Variants in URAD observed in about 807,000 individuals in gnomAD.
The protein encoded by URAD is putative 2-oxo-4-hydroxy-4-carboxy-5-ureidoimidazoline decarboxylase.
URAD carries 4 observed loss-of-function variants against 4.6 expected under a neutral mutation model. That is an observed-to-expected ratio of 0.87 (90% CI 0.43 to 1.98). The LOEUF (loss-of-function observed/expected upper bound fraction) is 1.98. URAD is among the 30% of genes most tolerant of loss of function. URAD has a pLI of 0.03. For synonymous variants in URAD, 144 were observed against 118.2 expected, an observed-to-expected ratio of 1.22 and a Z score of -1.41; for missense variants, 300 against 255.3, an observed-to-expected ratio of 1.18 and a Z score of -1.19.
chr13:27,983,815 A>G (rs1007610615), intron 1 of URAD, among the ~76,000 whole-genome samples: 1 of 152,154 alleles, frequency 6.6e-6, no homozygotes, highest in African/African-American at 2.4e-5. Flanking sequence ...GTGGGCACTC[A>G]GTGAATATTT....
At chr13:27,978,889 G>A (rs1031216262) in intron 1 of URAD, among the ~76,000 whole-genome samples, 2 of 152,102 alleles carry the variant, frequency 1.3e-5, no homozygotes, top group South Asian at 4.1e-4. Context: ...CTCAGGGGGG[G>A]CTTTGATGTC....
At chr13:27,979,445 A>G (rs1161520309) in intron 1 of URAD, among the ~76,000 whole-genome samples, 1 of 152,260 alleles carries the variant, frequency 6.6e-6, no homozygotes, top group Non-Finnish European at 1.5e-5. Flanking sequence ...TATGGTGAGC[A>G]GGGCGCTATG....
At chr13:27,984,101 G>T (rs1182256105) in intron 1 of URAD, among the ~76,000 whole-genome samples, 1 of 152,084 alleles carries the variant, frequency 6.6e-6, no homozygotes, top group Non-Finnish European at 1.5e-5. Context: ...AGGCTGGTGT[G>T]CAGTGGTGCA....
intron 1 of URAD, among the ~76,000 whole-genome samples, chr13:27,983,966 T>G (rs188444857): frequency 4.6e-4 from 70 of 152,340 alleles, no homozygotes; most frequent in Admixed American, 4.5e-3. Flanking sequence ...AGTATCCAAC[T>G]CCATTCATTC....
chr13:27,985,126 A>T (rs1488738613), intron 1 of URAD, among the ~76,000 whole-genome samples: 1 of 152,180 alleles, frequency 6.6e-6, no homozygotes, highest in Non-Finnish European at 1.5e-5. Context: ...ATCACCTCAC[A>T]TATTTATCAT....
intron 1 of URAD, 118 bp from the exon 2 acceptor site, chr13:27,978,570 C>G: frequency 1.3e-6 from 1 of 791,266 alleles, no homozygotes; most frequent in Non-Finnish European, 1.7e-6. Context: ...CCCGCCCGGC[C>G]CCAAAGAAGG....
Position 27,978,136 on chromosome 13 carries a change from G to T in URAD, c.492C>A (p.Asp164Glu). The T allele has an allele frequency of 6.5e-7, 1 of 1,529,598 alleles. No homozygotes were observed. 94.8% of individuals were successfully genotyped at this position (1,529,598 alleles called of 1,614,324 possible). Reference sequence around the variant, plus strand: ...GCTTGGCGGGGTCTGCGCGGAGGAGGTCGGCCAGGCGCAGGCTGCCGATCT... The same window carrying T: ...GCTTGGCGGGGTCTGCGCGGAGGAGTTCGGCCAGGCGCAGGCTGCCGATCT... ...VKKIGSLRLA[D>E]LLRADPAKL is the part of the protein sequence containing the mutation. The change falls in exon 2 of 2, where the codon GAC becomes GAA. Residue 164 changes from aspartate to glutamate, a missense_variant. By Grantham distance (45) the Asp-to-Glu change is conservative. Transcript: ENST00000332715.
intron 1 of URAD, among the ~76,000 whole-genome samples, chr13:27,987,947 A>G (rs1245405448): frequency 6.9e-6 from 1 of 144,282 alleles, no homozygotes; most frequent in Non-Finnish European, 1.5e-5. Flanking sequence ...TTTAAAAACA[A>G]CTTTTTTTGT....
intron 1 of URAD, among the ~76,000 whole-genome samples, chr13:27,980,012 A>G (rs1869828356): frequency 6.6e-6 from 1 of 152,184 alleles, no homozygotes; most frequent in Non-Finnish European, 1.5e-5. Flanking sequence ...GGTTAAGGAA[A>G]GTTCAAAACG....
At chr13:27,982,356 G>C (rs1477435164) in intron 1 of URAD, among the ~76,000 whole-genome samples, 1 of 152,162 alleles carries the variant, frequency 6.6e-6, no homozygotes, top group Non-Finnish European at 1.5e-5. Context: ...GGGAGGCGGA[G>C]GTTACAGTGA....
At position 27,978,398 on chromosome 13, in the gene URAD, C is replaced by T; in HGVS notation, c.230G>A (p.Arg77Gln). The change falls in exon 2 of 2, where the codon CGG (arginine) becomes CAG (glutamine). Residue 77 changes from arginine (R) to glutamine (Q), a missense_variant. By Grantham distance (43) the Arg-to-Gln change is conservative. Coordinates refer to ENST00000332715, the MANE Select transcript of URAD (RefSeq NM_001105577.2). ...CTGCGACTCGGCCGTGAGCGTGCCCCGCTGCAGCTCGCTGCCCGCCAGGTC... is the reference window on the plus strand; with the variant it reads ...CTGCGACTCGGCCGTGAGCGTGCCCTGCTGCAGCTCGCTGCCCGCCAGGTC... ...HPDLAGSELQ[R>Q]GTLTAESQRE... is the part of the protein sequence containing the mutation. 5.7e-6 allele frequency: 8 copies of T among 1,395,600 alleles called. No homozygotes were observed. The highest frequency in any genetic ancestry group is 5.6e-6 in the Non-Finnish European group (6 of 1,080,020). 86.5% of individuals were successfully genotyped at this position (1,395,600 alleles called of 1,614,324 possible).
chr13:27,984,964 G>T (rs1271100443), intron 1 of URAD, among the ~76,000 whole-genome samples: 1 of 151,734 alleles, frequency 6.6e-6, no homozygotes, highest in African/African-American at 2.4e-5. Context: ...GGATGACAGA[G>T]CAAGACTCCA....
Position 27,977,920 on chromosome 13 carries a change from G to A in URAD, c.*186C>T, listed in dbSNP as rs1266416977. 1.2e-5 allele frequency: 6 copies of A among 520,246 alleles called. No individual in the cohort carries two copies. The highest frequency in any genetic ancestry group is 2.0e-5 in the African/African-American group (1 of 49,252). 32.2% of individuals were successfully genotyped at this position (520,246 alleles called of 1,614,324 possible). A position where few individuals can be genotyped will look rare whatever the true frequency, so the allele number is the denominator to read the frequency against. The stretch of plus-strand genomic sequence containing the variant: ...CAATATGGATATTTTGGCAACGCGT[G>A]CGCGTGTGGGTGGGCGGACAAAAGG... On this transcript the variant is annotated 3_prime_UTR_variant, in exon 2 of 2. Coordinates refer to ENST00000332715, the MANE Select transcript of URAD (RefSeq NM_001105577.2).
chr13:27,980,723 C>A (rs7986640), intron 1 of URAD, among the ~76,000 whole-genome samples: 2 of 152,014 alleles, frequency 1.3e-5, no homozygotes, highest in African/African-American at 4.8e-5. Flanking sequence ...CCAGGCTCCC[C>A]GCGCAGGCCG....
At position 27,977,924 on chromosome 13, in the gene URAD, G is replaced by C. The variant is rs1326850639; in HGVS notation, c.*182C>G. 3.8e-6 allele frequency: 2 copies of C among 527,494 alleles called. No homozygotes were observed. The highest frequency in any genetic ancestry group is 3.0e-5 in the South Asian group (1 of 33,278). The allele number at this position is 527,494 out of a possible 1,614,324, so 32.7% of individuals were successfully genotyped here. On this transcript the variant is annotated 3_prime_UTR_variant, in exon 2 of 2. Coordinates refer to ENST00000332715, the MANE Select transcript of URAD (RefSeq NM_001105577.2). The stretch of plus-strand genomic sequence containing the variant: ...ATGGATATTTTGGCAACGCGTGCGC[G>C]TGTGGGTGGGCGGACAAAAGGACTC...
At chr13:27,986,957 T>C (rs1443484082) in intron 1 of URAD, among the ~76,000 whole-genome samples, 1 of 152,176 alleles carries the variant, frequency 6.6e-6, no homozygotes, top group Non-Finnish European at 1.5e-5. Flanking sequence ...GCTGAAGTCC[T>C]CAGCTATGGA....
At chr13:27,981,008 T>TTC (rs900608486) in intron 1 of URAD, among the ~76,000 whole-genome samples, 15 of 111,812 alleles carry the variant, frequency 1.3e-4, no homozygotes, top group South Asian at 3.3e-4. Flanking sequence ...TTTCAGTCGC[T>TTC]TCTCTCTCTC....
At chr13:27,979,023 G>T (rs1437698121) in intron 1 of URAD, among the ~76,000 whole-genome samples, 1 of 152,094 alleles carries the variant, frequency 6.6e-6, no homozygotes, top group East Asian at 1.9e-4. Flanking sequence ...CATGGGGCTC[G>T]GCAAATAAAT....
At chr13:27,985,544 G>A (rs375964522) in intron 1 of URAD, among the ~76,000 whole-genome samples, 15 of 152,264 alleles carry the variant, frequency 9.9e-5, no homozygotes, top group East Asian at 7.7e-4. Context: ...ACCAAGCTGC[G>A]AAGTAGATCA....
Sources: allele counts gnomAD v4.1 joint callset (sites outside exome capture counted in the v4.1 genomes callset), GRCh38; gene constraint gnomAD v4.1.1; transcripts MANE v1.5; gene names NCBI Gene and HGNC (gene_info 2026-07-23, HGNC 2026-07-21).